ATCAY: variants seen among roughly 807,000 people sequenced by gnomAD.
The protein encoded by ATCAY is ATCAY kinesin light chain interacting caytaxin.
A neutral mutation model predicts 47.7 loss-of-function variants in ATCAY; 22 were observed. The observed-to-expected ratio is 0.46, with a 90% confidence interval of 0.33 to 0.66. The LOEUF (loss-of-function observed/expected upper bound fraction) is 0.66. Among genes scored for constraint, ATCAY ranks in the 30% least tolerant of loss-of-function variants. The probability of loss-of-function intolerance (pLI) is 0.02; values close to 1 mark genes in which losing one functional copy is unlikely to be tolerated. For synonymous variants in ATCAY, 216 were observed against 207.6 expected, an observed-to-expected ratio of 1.04 and a Z score of -0.35; for missense variants, 452 against 515.0, an observed-to-expected ratio of 0.88 and a Z score of 1.18.
At chr19:3,918,987 G>C in intron 11 of ATCAY, 110 bp downstream of exon 11, 3 of 1,347,978 alleles carry the variant, frequency 2.2e-6, no homozygotes, top group Non-Finnish European at 3.1e-6. Flanking sequence ...ACAGAAAATG[G>C]AACTAAGTGG....
Position 3,917,803 on chromosome 19 carries a change from G to A in ATCAY, c.1001+26G>A, listed in dbSNP as rs374312343. The stretch of plus-strand genomic sequence containing the variant: ...GTGTGTGCAGAGTGGTTTCTGCTGG[G>A]GCTGGGTCGGGGCAGCGGGGGGCTG... On this transcript the variant is annotated intron_variant, in intron 10 of 12. Coordinates refer to ENST00000450849, the MANE Select transcript of ATCAY (RefSeq NM_033064.5). The A allele has an allele frequency of 3.7e-6, 6 of 1,606,602 alleles. No homozygotes were observed. The Admixed American group carries it at 5.1e-5, about 14-fold the overall frequency.
chr19:3,893,311 C>T (rs897695957), intron 2 of ATCAY, among the ~76,000 whole-genome samples: 2 of 151,990 alleles, frequency 1.3e-5, no homozygotes, highest in African/African-American at 4.8e-5. Flanking sequence ...GTAGCTGTAG[C>T]TGGGACCACA....
intron 1 of ATCAY, among the ~76,000 whole-genome samples, chr19:3,885,109 TAAAAAAAA>T (rs34258948): frequency 4.3e-4 from 30 of 70,312 alleles, no homozygotes; most frequent in East Asian, 9.3e-4. Context: ...TTTTTTTTTT[TAAAAAAAA>T]AAAAAAAAAA....
rs1298589333 is a variant in ATCAY, at chr19:3,924,918, C to T, written c.*326C>T. On this transcript the variant is annotated 3_prime_UTR_variant, in exon 13 of 13. Transcript: ENST00000450849. ...CCGCGTGGCGTCGGTGGCCTCCGCT[C>T]CTGCTCGCAGCCTCTGTGGTCAGAG... The T allele has an allele frequency of 5.7e-6, 2 of 350,022 alleles. No homozygotes were observed. Among genetic ancestry groups the T allele is most frequent in the East Asian group, 1.1e-4 (2 of 18,326 alleles). The allele number at this position is 350,022 out of a possible 1,614,324, so 21.7% of individuals were successfully genotyped here. A position where few individuals can be genotyped will look rare whatever the true frequency, so the allele number is the denominator to read the frequency against.
At chr19:3,884,524 A>C (rs1001911988) in intron 1 of ATCAY, among the ~76,000 whole-genome samples, 1 of 152,122 alleles carries the variant, frequency 6.6e-6, no homozygotes, top group African/African-American at 2.4e-5. Context: ...CGGAAGCTGA[A>C]GTATATCAGC....
chr19:3,903,855 A>C (rs2038836428), intron 3 of ATCAY, among the ~76,000 whole-genome samples: 1 of 151,438 alleles, frequency 6.6e-6, no homozygotes. Flanking sequence ...AAAAAAAAAA[A>C]AGGCAGGTCA....
chr19:3,884,147 C>T (rs2038626497), intron 1 of ATCAY, among the ~76,000 whole-genome samples: 2 of 152,074 alleles, frequency 1.3e-5, no homozygotes, highest in Non-Finnish European at 1.5e-5. Context: ...ATTAGCCAGG[C>T]ATGATGGCAC....
At chr19:3,918,739 G>C in intron 10 of ATCAY, 67 bp from the exon 11 acceptor site, 2 of 1,577,542 alleles carry the variant, frequency 1.3e-6, no homozygotes, top group Non-Finnish European at 1.7e-6. Context: ...GCCAGTACTA[G>C]CTGAGAGCCC....
intron 9 of ATCAY, among the ~76,000 whole-genome samples, chr19:3,914,205 C>T (rs923464916): frequency 1.2e-4 from 14 of 121,010 alleles, no homozygotes; most frequent in Non-Finnish European, 2.2e-4. Flanking sequence ...CACTGCACTC[C>T]AGCCTGGGCC....
intron 12 of ATCAY, chr19:3,922,077 C>G (rs1284586635): frequency 2.9e-6 from 2 of 687,000 alleles, no homozygotes; most frequent in Admixed American, 2.2e-5. Flanking sequence ...ACTAGAGAAG[C>G]TGACCCAAGC....
intron 9 of ATCAY, among the ~76,000 whole-genome samples, chr19:3,915,000 T>C (rs1179526396): frequency 6.6e-6 from 1 of 151,722 alleles, no homozygotes; most frequent in Non-Finnish European, 1.5e-5. Context: ...CCCCCGGAGC[T>C]TGGGGAAGGG....
At chr19:3,912,809 C>T (rs1448527543) in intron 8 of ATCAY, among the ~76,000 whole-genome samples, 2 of 151,660 alleles carry the variant, frequency 1.3e-5, no homozygotes, top group East Asian at 1.9e-4. Flanking sequence ...CACTTGAGCC[C>T]AGGAGGTCGA....
At position 3,918,789 on chromosome 19, in the gene ATCAY, G is replaced by A. The variant is rs759706458; in HGVS notation, c.1002-17G>A. 9.3e-6 allele frequency: 15 copies of A among 1,613,674 alleles called. No homozygotes were observed. The highest frequency in any genetic ancestry group is 5.5e-5 in the South Asian group (5 of 91,078). Reference sequence around the variant, plus strand: ...CTGGGCTAGTCACCCTTGTCACCTCGTTCTCTCTGTCCACAGCGCGAGGCC... The same window carrying A: ...CTGGGCTAGTCACCCTTGTCACCTCATTCTCTCTGTCCACAGCGCGAGGCC... On this transcript the variant is annotated splice_polypyrimidine_tract_variant and intron_variant, in intron 10 of 12. Coordinates refer to ENST00000450849, the MANE Select transcript of ATCAY (RefSeq NM_033064.5).
chr19:3,911,890 G>A (rs1358148692), intron 8 of ATCAY, among the ~76,000 whole-genome samples: 5 of 152,098 alleles, frequency 3.3e-5, no homozygotes, highest in Non-Finnish European at 2.9e-5. Flanking sequence ...TAAACATGCT[G>A]TTTTCAAGGA....
At chr19:3,913,637 A>G (rs975750189) in intron 8 of ATCAY, 121 bp from the exon 9 acceptor site, 5 of 712,132 alleles carry the variant, frequency 7.0e-6, no homozygotes, top group Admixed American at 4.4e-5. Context: ...CGTCGTCTGC[A>G]CTGGGGCATC....
intron 2 of ATCAY, among the ~76,000 whole-genome samples, chr19:3,886,718 AC>A (rs2038659788): frequency 1.4e-5 from 2 of 144,468 alleles, no homozygotes; most frequent in African/African-American, 5.3e-5. Flanking sequence ...AACATGCTGA[AC>A]TTTTTTTTTT....
In ATCAY at chr19:3,925,989, AGAGCAAGACTCTGTC is replaced by A. The variant is rs2039063179; in HGVS notation, c.*1398_*1412del. ...GCCACTGCATTCCAGCCTGGGCGACAGAGCAAGACTCTGTCTCAAAAAAAATAAAAAATAATCAGG... is the reference window on the plus strand; with the variant it reads ...GCCACTGCATTCCAGCCTGGGCGACATCAAAAAAAATAAAAAATAATCAGG... On this transcript the variant is annotated 3_prime_UTR_variant, in exon 13 of 13. Coordinates refer to ENST00000450849, the MANE Select transcript of ATCAY (RefSeq NM_033064.5). The surrounding 1 kb of genome is among the most constrained non-coding windows in gnomAD (Gnocchi z 4.4). 1 of 151,514 alleles carries A rather than the reference AGAGCAAGACTCTGTC, an allele frequency of 6.6e-6. No individual in the cohort carries two copies. The highest frequency in any genetic ancestry group is 2.4e-5 in the African/African-American group (1 of 41,236). The allele number at this position is 151,514 out of a possible 1,614,324, so 9.4% of individuals were successfully genotyped here. A position where few individuals can be genotyped will look rare whatever the true frequency, so the allele number is the denominator to read the frequency against.
chr19:3,881,863 A>ACCCC (rs199717917), intron 1 of ATCAY, among the ~76,000 whole-genome samples: 2 of 100,484 alleles, frequency 2.0e-5, no homozygotes, highest in African/African-American at 1.0e-4. Context: ...GGCTGCTGCC[A>ACCCC]CCGCCCCCCC....
intron 12 of ATCAY, chr19:3,922,364 C>A: frequency 1.6e-6 from 1 of 619,720 alleles, no homozygotes; most frequent in South Asian, 1.9e-5. Context: ...GCGGAAGCCA[C>A]CTCTTCACCA....
Sources: gnomAD v4.1 joint callset for allele counts (sites outside exome capture counted in the v4.1 genomes callset) on GRCh38, gnomAD v4.1.1 for gene constraint, Gnocchi (gnomAD v3.1) non-coding constraint, MANE v1.5 for transcripts, NCBI Gene and HGNC (gene_info 2026-07-23, HGNC 2026-07-21) for gene names.